The following EXPH5 variants were observed in gnomAD, a reference collection of about 807,000 sequenced individuals.
EXPH5 encodes exophilin 5, also known as exophilin-5.
A neutral mutation model predicts 41.1 loss-of-function variants in EXPH5; 42 were observed. The observed-to-expected ratio is 1.02, with a 90% confidence interval of 0.80 to 1.32. EXPH5 has a LOEUF of 1.32. Among genes scored for constraint, EXPH5 ranks in the 40% most tolerant of loss-of-function variants. The pLI, the probability that EXPH5 is intolerant of heterozygous loss-of-function variation, is 0.00. For missense variants in EXPH5, 2,298 were observed against 2,314.5 expected (o/e 0.99, Z 0.15); for synonymous variants, 798 against 833.5 (o/e 0.96, Z 0.73).
intron 4 of EXPH5, among the ~76,000 whole-genome samples, chr11:108,520,232 G>A (rs1276816022): frequency 6.6e-6 from 1 of 152,188 alleles, no homozygotes; most frequent in East Asian, 1.9e-4. Flanking sequence ...TCTAGGTTGT[G>A]CTTTCCTTAT....
chr11:108,590,078 C>T (rs2094123838), intron 1 of EXPH5, among the ~76,000 whole-genome samples: 1 of 152,184 alleles, frequency 6.6e-6, no homozygotes, highest in Admixed American at 6.5e-5. Flanking sequence ...TGAGAAATAT[C>T]CAAGAATTGG....
At chr11:108,571,763 A>G in intron 1 of EXPH5, among the ~76,000 whole-genome samples, 1 of 152,198 alleles carries the variant, frequency 6.6e-6, no homozygotes, top group Admixed American at 6.5e-5. Flanking sequence ...AGCAATGTTT[A>G]AAATAGTCAT....
intron 1 of EXPH5, among the ~76,000 whole-genome samples, chr11:108,542,674 A>G (rs1226798757): frequency 6.6e-6 from 1 of 152,228 alleles, no homozygotes; most frequent in Non-Finnish European, 1.5e-5. Context: ...CAAAGATAAA[A>G]GCTAACATGC....
chr11:108,594,540 A>G (rs1390860899), upstream of EXPH5, among the ~76,000 whole-genome samples: 1 of 152,242 alleles, frequency 6.6e-6, no homozygotes, highest in Non-Finnish European at 1.5e-5. Flanking sequence ...TTGTTCCACA[A>G]TGCAATGAAG....
Position 108,512,119 on chromosome 11 carries a change from G to T in EXPH5, c.3388C>A (p.Pro1130Thr). 6.2e-7 allele frequency: 1 copy of T among 1,613,800 alleles called. No individual in the cohort carries two copies. Reference protein sequence around the residue: ...NRAMSCPSGEPHASTGREGRK... With the variant: ...NRAMSCPSGETHASTGREGRK... ...CCTTCTCTTCCAGTTGAGGCATGTG[G>T]CTCCCCTGAGGGACATGACATAGCC... The change falls in exon 6 of 6, where the codon CCA becomes ACA. Residue 1130 changes from proline (P) to threonine (T), a missense_variant. By Grantham distance (38) the Pro-to-Thr change is conservative. Transcript: ENST00000265843.
chr11:108,532,507 G>T (rs964218760), intron 3 of EXPH5, among the ~76,000 whole-genome samples: 1 of 147,258 alleles, frequency 6.8e-6, no homozygotes, highest in Non-Finnish European at 1.5e-5. Context: ...GAGCCATCAT[G>T]CTTGATCTGG....
chr11:108,531,180 A>G (rs908941154), intron 3 of EXPH5, among the ~76,000 whole-genome samples: 1 of 152,066 alleles, frequency 6.6e-6, no homozygotes, highest in Admixed American at 6.6e-5. Context: ...AACTTTCACA[A>G]TTTCTCTTCT....
chr11:108,527,945 G>C (rs1168608001), intron 4 of EXPH5, among the ~76,000 whole-genome samples, 191 bp downstream of exon 4: 2 of 152,228 alleles, frequency 1.3e-5, no homozygotes, highest in Non-Finnish European at 2.9e-5. Flanking sequence ...CTTCCTGGCA[G>C]AGAATTCCAG....
the EXPH5 span, among the ~76,000 whole-genome samples, chr11:108,599,266 A>T: frequency 3.3e-5 from 5 of 151,812 alleles, no homozygotes; most frequent in Non-Finnish European, 4.4e-5. Context: ...TAATGACACC[A>T]AAGTGGTAAA....
At chr11:108,585,101 G>C (rs755440916) in intron 1 of EXPH5, among the ~76,000 whole-genome samples, 1 of 152,104 alleles carries the variant, frequency 6.6e-6, no homozygotes, top group Non-Finnish European at 1.5e-5. Context: ...GATTTTAGCA[G>C]ATACTTCCCC....
chr11:108,547,916 C>A (rs1008503199), intron 1 of EXPH5, among the ~76,000 whole-genome samples: 2 of 151,926 alleles, frequency 1.3e-5, no homozygotes, highest in Non-Finnish European at 2.9e-5. Context: ...TCAAGACCAG[C>A]CTGGCCAACA....
chr11:108,515,355 T>C (rs1383546337), intron 5 of EXPH5, among the ~76,000 whole-genome samples: 2 of 152,210 alleles, frequency 1.3e-5, no homozygotes. Flanking sequence ...GGGATCATAA[T>C]AGAAATGAAC....
the EXPH5 span, among the ~76,000 whole-genome samples, chr11:108,602,463 C>T: frequency 3.3e-5 from 5 of 152,174 alleles, no homozygotes; most frequent in South Asian, 2.1e-4. Context: ...TGTTATCCAC[C>T]GATTTTCCAG....
intron 1 of EXPH5, among the ~76,000 whole-genome samples, chr11:108,578,210 G>C (rs10466558): frequency 0.31 from 46,569 of 152,070 alleles, 8,041 homozygotes; most frequent in Middle Eastern, 0.44. Flanking sequence ...TTTGATTTTT[G>C]TATATGGTGA....
At chr11:108,560,390 C>T (rs956287845) in intron 1 of EXPH5, among the ~76,000 whole-genome samples, 1 of 152,226 alleles carries the variant, frequency 6.6e-6, no homozygotes. Context: ...GGCAAACAAA[C>T]CCGCCTTACA....
At chr11:108,579,095 A>C (rs1371908944) in intron 1 of EXPH5, among the ~76,000 whole-genome samples, 1 of 152,170 alleles carries the variant, frequency 6.6e-6, no homozygotes, top group Non-Finnish European at 1.5e-5. Flanking sequence ...TCTTAGAGGA[A>C]AGGCTTTCAG....
At chr11:108,527,486 C>T (rs989116245) in intron 4 of EXPH5, among the ~76,000 whole-genome samples, 3 of 152,140 alleles carry the variant, frequency 2.0e-5, no homozygotes, top group Non-Finnish European at 4.4e-5. Context: ...TCCTCCTGCC[C>T]GCTTTCAAAA....
At chr11:108,529,011 CT>C (rs1204225427) in intron 3 of EXPH5, among the ~76,000 whole-genome samples, 1 of 151,820 alleles carries the variant, frequency 6.6e-6, no homozygotes, top group Non-Finnish European at 1.5e-5. Context: ...CCAGAGCCCT[CT>C]TTCTTAACCA....
chr11:108,541,690 G>T lies in EXPH5; in HGVS notation c.242C>A (p.Pro81Gln), dbSNP rs751608684. 5.0e-6 allele frequency: 8 copies of T among 1,610,436 alleles called. No homozygotes were observed. The highest frequency in any genetic ancestry group is 6.8e-6 in the Non-Finnish European group (8 of 1,178,558). The change falls in exon 2 of 6, where the codon CCA (proline) becomes CAA (glutamine). Residue 81 changes from proline (P) to glutamine (Q), a missense_variant. Physicochemically the swap from Pro to Gln is moderately conservative, Grantham distance 76. Coordinates refer to ENST00000265843, the MANE Select transcript of EXPH5 (RefSeq NM_015065.3). The stretch of plus-strand genomic sequence containing the variant: ...CTCCTTACTTAGCCTGTATGTAAGT[G>T]GTTGTTTTAACATTTGGCTAACATC... The part of the protein sequence containing the change: ...ETDVSQMLKQ[P>Q]LTYRLSKEMA...
Sources: allele counts gnomAD v4.1 joint callset (sites outside exome capture counted in the v4.1 genomes callset), GRCh38; gene constraint gnomAD v4.1.1; transcripts MANE v1.5; gene names NCBI Gene and HGNC (gene_info 2026-07-23, HGNC 2026-07-21).